RBFOX1: variants seen among roughly 807,000 people sequenced by gnomAD.
RBFOX1 encodes RNA binding protein fox-1 homolog 1.
In RBFOX1, 8 loss-of-function variants were observed where a neutral mutation model predicts 57.7. The ratio of observed to expected loss-of-function variants is 0.14; its 90% CI spans 0.08 to 0.25. The LOEUF is 0.25. RBFOX1 is among the 10% of genes least tolerant of loss of function. RBFOX1 has a pLI of 1.00. For missense variants in RBFOX1, 611 were observed against 548.5 expected (o/e 1.11, Z -1.14); for synonymous variants, 326 against 222.4 (o/e 1.47, Z -4.15).
intron 3 of RBFOX1, among the ~76,000 whole-genome samples, chr16:5,832,234 G>T (rs2056298792): frequency 6.6e-6 from 1 of 152,198 alleles, no homozygotes; most frequent in African/African-American, 2.4e-5. Context: ...CTCAGATCAT[G>T]CCCCAGGGCC....
At chr16:6,783,611 G>A (rs998585898) in intron 3 of RBFOX1, among the ~76,000 whole-genome samples, 12 of 151,938 alleles carry the variant, frequency 7.9e-5, no homozygotes, top group Admixed American at 7.2e-4. Flanking sequence ...TCAACAAATT[G>A]TTGTAGTTAT....
chr16:5,563,950 G>A (rs1052671362), intron 2 of RBFOX1, among the ~76,000 whole-genome samples: 5 of 152,122 alleles, frequency 3.3e-5, no homozygotes, highest in African/African-American at 1.2e-4. Flanking sequence ...CCTAGATGTG[G>A]TTAGGAACCA....
intron 3 of RBFOX1, among the ~76,000 whole-genome samples, chr16:6,662,650 G>A (rs1272192091): frequency 6.6e-6 from 1 of 151,146 alleles, no homozygotes; most frequent in Non-Finnish European, 1.5e-5. Context: ...TTGGTGGTTG[G>A]TTAAAAAAAA....
At chr16:6,507,528 C>T (rs1215543296) in intron 2 of RBFOX1, among the ~76,000 whole-genome samples, 2 of 79,486 alleles carry the variant, frequency 2.5e-5, no homozygotes, top group Non-Finnish European at 6.2e-5. Flanking sequence ...AAAAAAAAGC[C>T]TGGCATAGTG....
intron 1 of RBFOX1, among the ~76,000 whole-genome samples, chr16:5,290,786 C>T (rs2063515051): frequency 6.6e-6 from 1 of 151,804 alleles, no homozygotes; most frequent in Non-Finnish European, 1.5e-5. Context: ...GCAACCTCTG[C>T]CTCCCGAGTT....
chr16:6,777,358 C>G (rs890752838), intron 3 of RBFOX1, among the ~76,000 whole-genome samples: 2 of 152,120 alleles, frequency 1.3e-5, no homozygotes, highest in African/African-American at 4.8e-5. Flanking sequence ...TAAGTTAACT[C>G]TATTTGTGTG....
intron 3 of RBFOX1, among the ~76,000 whole-genome samples, chr16:6,905,260 A>T (rs1006836437): frequency 6.6e-6 from 1 of 151,716 alleles, no homozygotes; most frequent in African/African-American, 2.4e-5. Context: ...AAAAAAAATT[A>T]AAAAAAAGAA....
intron 2 of RBFOX1, among the ~76,000 whole-genome samples, chr16:6,618,209 G>T (rs1541544): frequency 2.0e-5 from 3 of 152,078 alleles, no homozygotes; most frequent in East Asian, 3.9e-4. Context: ...CCTGCCTAGT[G>T]GTCTACCCAT....
chr16:7,474,441 A>G (rs1012462038), intron 4 of RBFOX1, among the ~76,000 whole-genome samples: 2 of 151,954 alleles, frequency 1.3e-5, no homozygotes, highest in Non-Finnish European at 2.9e-5. Flanking sequence ...ATGTTTTACA[A>G]TTAAGGATAA....
chr16:6,790,073 T>G (rs1603624114), intron 3 of RBFOX1, among the ~76,000 whole-genome samples: 8 of 133,574 alleles, frequency 6.0e-5, no homozygotes, highest in Admixed American at 5.8e-4. Flanking sequence ...AATAAACTTA[T>G]TTATATTTTT....
intron 1 of RBFOX1, among the ~76,000 whole-genome samples, chr16:6,210,361 C>CAAAAAAAAAAAAAA (rs3064933): frequency 8.1e-5 from 5 of 61,448 alleles, no homozygotes; most frequent in Non-Finnish European, 1.4e-4. Context: ...AAAAAAACAC[C>CAAAAAAAAAAAAAA]AAAAAAAAAA....
chr16:5,743,553 G>C (rs1252549282), intron 3 of RBFOX1, among the ~76,000 whole-genome samples: 1 of 152,080 alleles, frequency 6.6e-6, no homozygotes. Context: ...ATCATTTTTT[G>C]CATGTTGTGT....
intron 2 of RBFOX1, among the ~76,000 whole-genome samples, chr16:6,632,885 G>A (rs1233527715): frequency 6.6e-6 from 1 of 152,176 alleles, no homozygotes; most frequent in African/African-American, 2.4e-5. Context: ...GGGACCATTT[G>A]AGCTCTCAGA....
At chr16:6,780,231 T>C (rs867721013) in intron 3 of RBFOX1, among the ~76,000 whole-genome samples, 1 of 70,448 alleles carries the variant, frequency 1.4e-5, no homozygotes, top group East Asian at 5.4e-4. Flanking sequence ...ATATATATAT[T>C]TATATATATT....
chr16:7,278,649 C>A (rs2095485849), intron 4 of RBFOX1, among the ~76,000 whole-genome samples: 3 of 152,182 alleles, frequency 2.0e-5, no homozygotes, highest in African/African-American at 2.4e-5. Context: ...TGCAAGTCTG[C>A]AATTCATATC....
intron 4 of RBFOX1, among the ~76,000 whole-genome samples, chr16:7,395,684 T>C (rs959585744): frequency 1.3e-5 from 2 of 152,196 alleles, no homozygotes; most frequent in African/African-American, 2.4e-5. Flanking sequence ...ATTAAATAGA[T>C]GTGTCTATAG....
At chr16:6,204,258 G>A (rs535045216) in intron 1 of RBFOX1, among the ~76,000 whole-genome samples, 14 of 152,116 alleles carry the variant, frequency 9.2e-5, no homozygotes, top group South Asian at 4.1e-4. Context: ...TTTACAGTGG[G>A]GAAAATGGGA....
At chr16:7,496,123 C>T (rs539536292) in intron 4 of RBFOX1, among the ~76,000 whole-genome samples, 2 of 152,222 alleles carry the variant, frequency 1.3e-5, no homozygotes, top group East Asian at 3.9e-4. Flanking sequence ...TTCTGGGCAT[C>T]AGTTTCCTCA....
At chr16:5,598,934 C>A (rs73523693) in exon 3 of RBFOX1, 3 of 1,532,520 alleles carry the variant, frequency 2.0e-6, no homozygotes, top group East Asian at 2.4e-5. Context: ...CCCTCCTCCC[C>A]GGTGCCAAGA....
Sources: gnomAD v4.1 joint callset for allele counts (sites outside exome capture counted in the v4.1 genomes callset) on GRCh38, gnomAD v4.1.1 for gene constraint, MANE v1.5 for transcripts, NCBI Gene and HGNC (gene_info 2026-07-23, HGNC 2026-07-21) for gene names.